GALNT13: variants seen among roughly 807,000 people sequenced by gnomAD.
GALNT13 encodes UDP-GalNAc:polypeptide N-acetylgalactosaminyltransferase 13.
In GALNT13, 28 loss-of-function variants were observed where a neutral mutation model predicts 64.2. The observed-to-expected ratio is 0.44, with a 90% CI of 0.32 to 0.60. The LOEUF is 0.60. Among genes scored for constraint, GALNT13 ranks in the 20% least tolerant of loss-of-function variants. GALNT13 has a pLI of 0.05. For synonymous variants in GALNT13, 214 were observed against 224.6 expected (o/e 0.95, Z 0.42); for missense variants, 577 against 669.8 (o/e 0.86, Z 1.53).
chr2:153,905,967 G>C (rs1443802781), intron 2 of GALNT13, among the ~76,000 whole-genome samples: 1 of 151,922 alleles, frequency 6.6e-6, no homozygotes, highest in Non-Finnish European at 1.5e-5. Flanking sequence ...ACAAAGGAAT[G>C]ATTAAAGTCC....
chr2:153,998,744 G>T (rs919728772), intron 3 of GALNT13, among the ~76,000 whole-genome samples: 3 of 151,974 alleles, frequency 2.0e-5, no homozygotes, highest in Non-Finnish European at 4.4e-5. Flanking sequence ...TATTGCCTAG[G>T]GTTTCTTCTA....
the GALNT13 span, among the ~76,000 whole-genome samples, chr2:153,765,318 GC>G: frequency 6.6e-6 from 1 of 152,160 alleles, no homozygotes; most frequent in Non-Finnish European, 1.5e-5. Flanking sequence ...GCCCATGGGA[GC>G]CCAACTCTTG....
chr2:153,340,708 G>C, the GALNT13 span, among the ~76,000 whole-genome samples: 1 of 151,310 alleles, frequency 6.6e-6, no homozygotes, highest in South Asian at 2.1e-4. Flanking sequence ...CCTGAACTTA[G>C]AGGAAAAGTT....
chr2:153,227,956 T>C, the GALNT13 span, among the ~76,000 whole-genome samples: 3 of 152,218 alleles, frequency 2.0e-5, no homozygotes, highest in Admixed American at 6.5e-5. Context: ...TTTCTAGAAA[T>C]GATAAGATAT....
At chr2:153,806,345 T>C in the GALNT13 span, among the ~76,000 whole-genome samples, 2 of 152,060 alleles carry the variant, frequency 1.3e-5, no homozygotes, top group Non-Finnish European at 2.9e-5. Flanking sequence ...TTAAATCCAT[T>C]ACTATACTAT....
chr2:154,045,799 C>T (rs1417210944), intron 3 of GALNT13, among the ~76,000 whole-genome samples: 1 of 152,190 alleles, frequency 6.6e-6, no homozygotes, highest in Non-Finnish European at 1.5e-5. Context: ...ACCAACAAAC[C>T]AGAAACCTTA....
the GALNT13 span, among the ~76,000 whole-genome samples, chr2:153,561,662 TG>T: frequency 3.3e-5 from 5 of 151,752 alleles, no homozygotes; most frequent in East Asian, 9.7e-4. Context: ...TGTGTGTGTG[TG>T]TGTGTGGTGT....
At chr2:154,348,817 T>C (rs1173503614) in intron 9 of GALNT13, among the ~76,000 whole-genome samples, 2 of 152,126 alleles carry the variant, frequency 1.3e-5, no homozygotes, top group Non-Finnish European at 2.9e-5. Context: ...TTGCATGTTA[T>C]TCAGAGGTGA....
At chr2:153,240,435 T>C in the GALNT13 span, among the ~76,000 whole-genome samples, 1 of 152,054 alleles carries the variant, frequency 6.6e-6, no homozygotes, top group Non-Finnish European at 1.5e-5. Flanking sequence ...TCATCCAGGA[T>C]TGCTCTTGTG....
chr2:154,253,748 G>C (rs904062685), intron 7 of GALNT13, among the ~76,000 whole-genome samples: 2 of 152,162 alleles, frequency 1.3e-5, no homozygotes, highest in African/African-American at 4.8e-5. Flanking sequence ...TAGCAGGTGC[G>C]AGCAAAGAAC....
chr2:153,294,319 C>G, the GALNT13 span, among the ~76,000 whole-genome samples: 3 of 152,098 alleles, frequency 2.0e-5, no homozygotes, highest in African/African-American at 7.2e-5. Flanking sequence ...TTCACAGAGA[C>G]TCACCAACCA....
the GALNT13 span, among the ~76,000 whole-genome samples, chr2:153,091,424 C>G: frequency 3.3e-5 from 5 of 152,306 alleles, no homozygotes; most frequent in Middle Eastern, 0.014. Context: ...GATGTGTGTT[C>G]AGAGGCAGGT....
Position 154,301,116 on chromosome 2 carries a change from T to C in GALNT13, c.976-293T>C, listed in dbSNP as rs1213596565. Among the ~76,000 whole-genome samples, 4 of 152,162 alleles carry C rather than the reference T, an allele frequency of 2.6e-5. No homozygotes were observed. In the South Asian group the frequency reaches 8.3e-4, roughly 32 times the overall value. ...ATTAATAGCAGATTTGGGTACCAAATCTACTAACTAGCAATTAGGTTAACT... is the reference window on the plus strand; with the variant it reads ...ATTAATAGCAGATTTGGGTACCAAACCTACTAACTAGCAATTAGGTTAACT... On this transcript the variant is annotated intron_variant, in intron 8 of 12. Coordinates refer to ENST00000392825, the MANE Select transcript of GALNT13 (RefSeq NM_052917.4).
chr2:153,423,945 A>T, the GALNT13 span, among the ~76,000 whole-genome samples: 1 of 151,560 alleles, frequency 6.6e-6, no homozygotes. Flanking sequence ...TGCCTAAAAC[A>T]GTTGAGACTT....
At chr2:154,219,850 C>A (rs1688234544) in intron 4 of GALNT13, among the ~76,000 whole-genome samples, 1 of 152,092 alleles carries the variant, frequency 6.6e-6, no homozygotes, top group Non-Finnish European at 1.5e-5. Flanking sequence ...GCTTTAAGGG[C>A]TGAAGCCTTC....
At chr2:153,647,047 C>T in the GALNT13 span, among the ~76,000 whole-genome samples, 1 of 152,164 alleles carries the variant, frequency 6.6e-6, no homozygotes, top group African/African-American at 2.4e-5. Context: ...ACACTGACTT[C>T]CACAAAGGTT....
chr2:154,120,252 G>T (rs1245194014), intron 3 of GALNT13, among the ~76,000 whole-genome samples: 1 of 152,110 alleles, frequency 6.6e-6, no homozygotes, highest in Non-Finnish European at 1.5e-5. Context: ...CTACTATCAG[G>T]CATAGCTTCT....
intron 7 of GALNT13, among the ~76,000 whole-genome samples, chr2:154,252,387 G>C (rs1170629197): frequency 6.8e-6 from 1 of 147,274 alleles, no homozygotes; most frequent in Non-Finnish European, 1.5e-5. Flanking sequence ...ATGGAGTCTC[G>C]CTCTGTCACC....
At chr2:153,927,200 T>C (rs1234013605) in intron 2 of GALNT13, among the ~76,000 whole-genome samples, 2 of 152,074 alleles carry the variant, frequency 1.3e-5, no homozygotes, top group African/African-American at 2.4e-5. Context: ...CCAATTTATG[T>C]TTCTATCTGC....
Sources: gnomAD v4.1 joint callset for allele counts (sites outside exome capture counted in the v4.1 genomes callset) on GRCh38, gnomAD v4.1.1 for gene constraint, MANE v1.5 for transcripts, NCBI Gene and HGNC (gene_info 2026-07-23, HGNC 2026-07-21) for gene names.